VPS41: variants seen among roughly 807,000 people sequenced by gnomAD.
VPS41 encodes VPS41 subunit of HOPS complex.
Under a neutral mutation model 130.9 loss-of-function variants are expected in VPS41, and 85 were observed. That is an observed-to-expected ratio of 0.65 (90% CI 0.55 to 0.78). The LOEUF is 0.78. VPS41 is among the 30% of genes least tolerant of loss of function. The probability of loss-of-function intolerance (pLI) is 0.00; values close to 1 mark genes in which losing one functional copy is unlikely to be tolerated. For missense variants in VPS41, 874 were observed against 1,018.7 expected (o/e 0.86, Z 1.93); for synonymous variants, 335 against 332.9 (o/e 1.01, Z -0.07).
At chr7:38,776,915 C>T in intron 10 of VPS41, 139 bp from the exon 11 acceptor site, 1 of 517,932 alleles carries the variant, frequency 1.9e-6, no homozygotes, top group Non-Finnish European at 3.5e-6. Context: ...AACATACTTT[C>T]ATAACTCAGC....
intron 17 of VPS41, among the ~76,000 whole-genome samples, chr7:38,759,579 AGCATT>A (rs918432173): frequency 6.6e-5 from 10 of 152,186 alleles, no homozygotes; most frequent in African/African-American, 2.4e-4. Flanking sequence ...ATCTCCATTT[AGCATT>A]CCTGGGAGGC....
At chr7:38,829,100 C>T (rs191500748) in intron 5 of VPS41, among the ~76,000 whole-genome samples, 315 of 152,282 alleles carry the variant, frequency 2.1e-3, no homozygotes, top group Middle Eastern at 0.01. Context: ...GATAATTCTT[C>T]TCCATTTCTG....
intron 4 of VPS41, among the ~76,000 whole-genome samples, chr7:38,853,118 C>CAAAGGAA (rs1785894295): frequency 6.6e-6 from 1 of 152,110 alleles, no homozygotes; most frequent in Non-Finnish European, 1.5e-5. Flanking sequence ...TGGTGATTCC[C>CAAAGGAA]TGTTTCATAA....
intron 22 of VPS41, 113 bp downstream of exon 22, chr7:38,752,063 C>T: frequency 6.9e-7 from 1 of 1,439,160 alleles, no homozygotes; most frequent in Non-Finnish European, 9.5e-7. Flanking sequence ...CAACAGTCTT[C>T]CCCCTGGAAA....
chr7:38,810,342 A>G (rs1784919121), intron 7 of VPS41, among the ~76,000 whole-genome samples: 1 of 152,244 alleles, frequency 6.6e-6, no homozygotes. Flanking sequence ...AATAGCTGTC[A>G]AACTACAGTT....
At position 38,796,732 on chromosome 7, in the gene VPS41, G is replaced by C. The variant is rs372330166; in HGVS notation, c.570+13C>G. ...CTGAACAAGCATTAGGAAGACAGAG[G>C]CATATTTTTTACCATATTATTGGCC... On this transcript the variant is annotated intron_variant, in intron 8 of 28. Coordinates refer to ENST00000310301, the MANE Select transcript of VPS41 (RefSeq NM_014396.4). 6.2e-7 allele frequency: 1 copy of C among 1,613,374 alleles called. No homozygotes were observed. Among genetic ancestry groups the C allele is most frequent in the Middle Eastern group, 1.7e-4 (1 of 6,058 alleles).
At chr7:38,727,885 T>A (rs1197378126) in intron 27 of VPS41, among the ~76,000 whole-genome samples, 1 of 152,194 alleles carries the variant, frequency 6.6e-6, no homozygotes, top group African/African-American at 2.4e-5. Flanking sequence ...CTTAAGAAGG[T>A]GCTTTTCATT....
At chr7:38,754,665 A>G (rs1256041355) in intron 21 of VPS41, 37 bp downstream of exon 21, 1 of 1,589,342 alleles carries the variant, frequency 6.3e-7, no homozygotes, top group Admixed American at 1.7e-5. Flanking sequence ...CCCACTGGTC[A>G]ATCAAAAGGG....
At chr7:38,886,302 T>C (rs1321395457) in intron 2 of VPS41, among the ~76,000 whole-genome samples, 1 of 152,326 alleles carries the variant, frequency 6.6e-6, no homozygotes, top group East Asian at 1.9e-4. Flanking sequence ...GCCCAAATAC[T>C]GTGCTTTTCC....
intron 7 of VPS41, 191 bp from the exon 8 acceptor site, chr7:38,797,055 G>A (rs1278661241): frequency 6.3e-6 from 4 of 635,842 alleles, no homozygotes; most frequent in Non-Finnish European, 1.0e-5. Flanking sequence ...TTCTCCCCAG[G>A]AAGTTGTTTA....
chr7:38,816,690 T>C (rs560426248), intron 7 of VPS41, among the ~76,000 whole-genome samples: 4 of 152,348 alleles, frequency 2.6e-5, no homozygotes, highest in African/African-American at 9.6e-5. Flanking sequence ...AATTTGAGAA[T>C]TTACTACATC....
intron 10 of VPS41, among the ~76,000 whole-genome samples, chr7:38,781,427 T>G (rs923167152): frequency 3.9e-5 from 6 of 152,260 alleles, no homozygotes; most frequent in Non-Finnish European, 8.8e-5. Flanking sequence ...ATCTTGGTGT[T>G]GCTCATTATG....
In VPS41 at chr7:38,751,339, T is replaced by C. The variant is rs552673018; in HGVS notation, c.1926+837A>G. Among the ~76,000 whole-genome samples, 7 of 152,332 alleles carry C rather than the reference T, an allele frequency of 4.6e-5. No homozygotes were observed. The East Asian group carries it at 1.3e-3, about 29-fold the overall frequency. On this transcript the variant is annotated intron_variant, in intron 22 of 28. Coordinates refer to ENST00000310301, the MANE Select transcript of VPS41 (RefSeq NM_014396.4). The stretch of plus-strand genomic sequence containing the variant: ...TTTCAAAAGTATCTGGCCATCCAAA[T>C]TTAGTCAGACATTTGTAGATGTTAG...
intron 24 of VPS41, 76 bp from the exon 25 acceptor site, chr7:38,742,197 T>G: frequency 7.3e-7 from 1 of 1,377,604 alleles, no homozygotes; most frequent in Non-Finnish European, 9.8e-7. Context: ...AATTTGCATA[T>G]AATGCAATTT....
intron 17 of VPS41, among the ~76,000 whole-genome samples, chr7:38,760,385 G>A (rs972314113): frequency 1.3e-5 from 2 of 152,266 alleles, no homozygotes; most frequent in East Asian, 3.9e-4. Flanking sequence ...ACAGAGAGCT[G>A]TCATTTCACA....
At chr7:38,768,647 C>T (rs922053207) in intron 14 of VPS41, among the ~76,000 whole-genome samples, 2 of 151,938 alleles carry the variant, frequency 1.3e-5, no homozygotes, top group African/African-American at 4.8e-5. Context: ...TGTCTAACTT[C>T]CTTATTTTTC....
intron 17 of VPS41, among the ~76,000 whole-genome samples, chr7:38,760,819 G>A (rs977589377): frequency 6.6e-6 from 1 of 152,078 alleles, no homozygotes; most frequent in Non-Finnish European, 1.5e-5. Flanking sequence ...ATGAACTACT[G>A]TGAATTTGTT....
chr7:38,788,175 C>A (rs1784472971), intron 10 of VPS41, among the ~76,000 whole-genome samples: 1 of 152,172 alleles, frequency 6.6e-6, no homozygotes, highest in South Asian at 2.1e-4. Flanking sequence ...TAGATATTAT[C>A]ACCTCCATTT....
chr7:38,895,040 G>A (rs1786951168), intron 2 of VPS41, among the ~76,000 whole-genome samples: 1 of 152,194 alleles, frequency 6.6e-6, no homozygotes, highest in African/African-American at 2.4e-5. Context: ...ACTTTACTGT[G>A]GCCAGGCACG....
Sources: allele counts gnomAD v4.1 joint callset (sites outside exome capture counted in the v4.1 genomes callset), GRCh38; gene constraint gnomAD v4.1.1; transcripts MANE v1.5; gene names NCBI Gene and HGNC (gene_info 2026-07-23, HGNC 2026-07-21).